The following TMOD1 variants were observed in gnomAD, a reference collection of about 807,000 sequenced individuals.
TMOD1 encodes the protein tropomodulin 1.
Under a neutral mutation model 40.6 loss-of-function variants are expected in TMOD1, and 17 were observed. The observed-to-expected ratio is 0.42, with a 90% CI of 0.29 to 0.63. The LOEUF is 0.63. Ranked by LOEUF, TMOD1 falls within the 20% of genes least tolerant of loss-of-function variation. The probability of loss-of-function intolerance (pLI) is 0.22; values close to 1 mark genes in which losing one functional copy is unlikely to be tolerated. For synonymous variants in TMOD1, 181 were observed against 175.0 expected (o/e 1.03, Z -0.27); for missense variants, 391 against 447.6 (o/e 0.87, Z 1.14).
At position 97,531,040 on chromosome 9, in the gene TMOD1, C is replaced by CA. The variant is rs1023108689; in HGVS notation, c.120+6732_120+6733insA. On this transcript the variant is annotated intron_variant, in intron 2 of 9. Transcript: ENST00000259365. ...TGACCTTAGGTGATCCACACCCACCCCCCCCACCACCCCTTGGCCTCCCAA... is the reference window on the plus strand; with the variant it reads ...TGACCTTAGGTGATCCACACCCACCCACCCCCACCACCCCTTGGCCTCCCAA... 1.2e-4 allele frequency among the ~76,000 whole-genome samples: 16 copies of CA among 135,394 alleles called. 3 individuals are homozygous for CA. Among genetic ancestry groups the CA allele is most frequent in the African/African-American group, 4.1e-4 (15 of 36,696 alleles). The allele number at this position is 135,394 out of a possible 152,430, so 88.8% of individuals were successfully genotyped here.
chr9:97,565,473 A>C (rs950082699), intron 6 of TMOD1, among the ~76,000 whole-genome samples: 4 of 152,006 alleles, frequency 2.6e-5, no homozygotes, highest in Non-Finnish European at 4.4e-5. Flanking sequence ...AGGCTTCCAC[A>C]GAGACACCTA....
chr9:97,547,147 G>A (rs138632629), intron 3 of TMOD1, among the ~76,000 whole-genome samples: 4 of 152,146 alleles, frequency 2.6e-5, no homozygotes, highest in Non-Finnish European at 5.9e-5. Context: ...GAAGGCCCCA[G>A]GAAACAGAGA....
In TMOD1 at chr9:97,563,966, C is replaced by T. The variant is rs1830681884; in HGVS notation, c.488-72C>T. The T allele has an allele frequency of 4.5e-6, 7 of 1,563,102 alleles. No homozygotes were observed. The South Asian group carries it at 8.5e-5, about 19-fold the overall frequency. On this transcript the variant is annotated intron_variant, in intron 5 of 9. Coordinates refer to ENST00000259365, the MANE Select transcript of TMOD1 (RefSeq NM_003275.4). ...CCAACCCTGCACATGCTCCCTTCCA[C>T]AGTATCTTTGTGTTGGCAGAAAGTG...
chr9:97,541,668 A>C (rs1749768892), intron 2 of TMOD1, among the ~76,000 whole-genome samples: 1 of 151,272 alleles, frequency 6.6e-6, no homozygotes, highest in African/African-American at 2.4e-5. Flanking sequence ...GGCATGCACC[A>C]CCACGCCCGG....
At chr9:97,578,517 G>A (rs1315455523) in intron 8 of TMOD1, among the ~76,000 whole-genome samples, 2 of 152,184 alleles carry the variant, frequency 1.3e-5, no homozygotes, top group Admixed American at 1.3e-4. Context: ...ACACATCTGT[G>A]TGTATCTAGG....
intron 4 of TMOD1, 85 bp from the exon 5 acceptor site, chr9:97,562,647 G>T: frequency 1.0e-6 from 1 of 958,234 alleles, no homozygotes; most frequent in Non-Finnish European, 1.5e-6. Flanking sequence ...CTGTGAGCCA[G>T]AGTTCCCGGG....
intron 8 of TMOD1, among the ~76,000 whole-genome samples, chr9:97,589,252 T>C (rs1300299355): frequency 6.6e-6 from 1 of 151,224 alleles, no homozygotes; most frequent in South Asian, 2.1e-4. Flanking sequence ...ATTGATCTTA[T>C]ATTCTGTAAT....
chr9:97,502,958 A>T lies in TMOD1; in HGVS notation c.-49+1155A>T, dbSNP rs1829529389. 6.6e-6 allele frequency among the ~76,000 whole-genome samples: 1 copy of T among 150,986 alleles called. No individual in the cohort carries two copies. The highest frequency in any genetic ancestry group is 6.6e-5 in the Admixed American group (1 of 15,188). ...CCGCCCCCTCCTACACCCTTCACCC[A>T]CCGCTACTATTACAGACCCTGTCTC... On this transcript the variant is annotated intron_variant, in intron 1 of 9. Coordinates refer to ENST00000259365, the MANE Select transcript of TMOD1 (RefSeq NM_003275.4). This position sits in a 1 kb window ranked among gnomAD's most constrained non-coding sequence, Gnocchi z 6.1.
chr9:97,559,823 ATGTC>A (rs1176082938), intron 4 of TMOD1, among the ~76,000 whole-genome samples: 15,762 of 61,238 alleles, frequency 0.26, 2,636 homozygotes, highest in Middle Eastern at 0.43. Context: ...ATATATATAT[ATGTC>A]TATCTATCTA....
chr9:97,559,794 A>AAAAAAATAT (rs1390791825), intron 4 of TMOD1, among the ~76,000 whole-genome samples: 8 of 23,176 alleles, frequency 3.5e-4, no homozygotes, highest in East Asian at 4.0e-3. Context: ...AAAAAAAAAA[A>AAAAAAATAT]ATATATATAT....
At chr9:97,556,303 G>A (rs1830536024) in intron 4 of TMOD1, among the ~76,000 whole-genome samples, 1 of 152,206 alleles carries the variant, frequency 6.6e-6, no homozygotes, top group African/African-American at 2.4e-5. Flanking sequence ...GGTGGCTGAT[G>A]AGGAGTGCTC....
chr9:97,551,964 A>G (rs1830460616), intron 3 of TMOD1, among the ~76,000 whole-genome samples: 1 of 152,246 alleles, frequency 6.6e-6, no homozygotes, highest in African/African-American at 2.4e-5. Context: ...TTGTTTTCTT[A>G]ATTTCCTTTT....
intron 8 of TMOD1, among the ~76,000 whole-genome samples, chr9:97,580,417 C>T (rs939630879): frequency 1.3e-5 from 2 of 152,056 alleles, no homozygotes; most frequent in African/African-American, 4.8e-5. Flanking sequence ...CCAGCCTGGC[C>T]AACATAGTGA....
At chr9:97,533,763 G>A (rs771563926) in intron 2 of TMOD1, among the ~76,000 whole-genome samples, 2 of 152,362 alleles carry the variant, frequency 1.3e-5, no homozygotes, top group South Asian at 4.1e-4. Flanking sequence ...TGGCCTCACA[G>A]CCCTGGGCTG....
At chr9:97,599,495 C>A in intron 9 of TMOD1, 139 bp from the exon 10 acceptor site, 1 of 1,018,546 alleles carries the variant, frequency 9.8e-7, no homozygotes, top group South Asian at 1.5e-5. Flanking sequence ...CTCACACATA[C>A]TGTCCTTTCA....
chr9:97,556,229 C>T (rs1830534621), intron 4 of TMOD1, among the ~76,000 whole-genome samples: 1 of 152,188 alleles, frequency 6.6e-6, no homozygotes. Context: ...CTAGTGCCGG[C>T]TCAGAGGCCG....
chr9:97,548,814 T>A (rs1830407110), intron 3 of TMOD1, among the ~76,000 whole-genome samples: 1 of 152,156 alleles, frequency 6.6e-6, no homozygotes, highest in African/African-American at 2.4e-5. Flanking sequence ...ATCATCATCA[T>A]CTTGGAGTAT....
At chr9:97,531,008 G>C (rs933937834) in intron 2 of TMOD1, among the ~76,000 whole-genome samples, 3 of 134,042 alleles carry the variant, frequency 2.2e-5, no homozygotes, top group African/African-American at 5.7e-5. Context: ...GGCTGGTCTC[G>C]AACTCCTGAC....
At chr9:97,518,348 C>T (rs1829857511) in intron 1 of TMOD1, among the ~76,000 whole-genome samples, 1 of 152,228 alleles carries the variant, frequency 6.6e-6, no homozygotes, top group Non-Finnish European at 1.5e-5. Context: ...CAGCTGGGAA[C>T]AGATTCGTCC....
Sources: allele counts gnomAD v4.1 joint callset (sites outside exome capture counted in the v4.1 genomes callset), GRCh38; gene constraint gnomAD v4.1.1; non-coding constraint Gnocchi (gnomAD v3.1); transcripts MANE v1.5; gene names NCBI Gene and HGNC (gene_info 2026-07-23, HGNC 2026-07-21).